PCDHGA2: variants seen among roughly 807,000 people sequenced by gnomAD.
PCDHGA2 encodes protocadherin gamma subfamily A, 2.
Under a neutral mutation model 59.2 loss-of-function variants are expected in PCDHGA2, and 40 were observed. That is an observed-to-expected ratio of 0.68 (90% CI 0.52 to 0.88). The LOEUF (loss-of-function observed/expected upper bound fraction) is 0.88. Among genes scored for constraint, PCDHGA2 ranks in the 40% least tolerant of loss-of-function variants. The probability of loss-of-function intolerance (pLI) is 0.00; values close to 1 mark genes in which losing one functional copy is unlikely to be tolerated. For synonymous variants in PCDHGA2, 560 were observed against 526.0 expected, an observed-to-expected ratio of 1.06 and a Z score of -0.89; for missense variants, 1,226 against 1,204.0, an observed-to-expected ratio of 1.02 and a Z score of -0.27.
At position 141,490,819 on chromosome 5, in the gene PCDHGA2, C is replaced by T; in HGVS notation, c.2425-3988C>T. Reference sequence around the variant, plus strand: ...CCAGCGTACCTTTGACTATGAATTGCTGCAGATGCTGCAGATTGTGGTGGG... The same window carrying T: ...CCAGCGTACCTTTGACTATGAATTGTTGCAGATGCTGCAGATTGTGGTGGG... On this transcript the variant is annotated intron_variant, in intron 1 of 3. Transcript: ENST00000394576. This position sits in a 1 kb window ranked among gnomAD's most constrained non-coding sequence, Gnocchi z 5.4. 2 of 1,613,842 alleles carry T rather than the reference C, an allele frequency of 1.2e-6. No individual in the cohort carries two copies. Among genetic ancestry groups the T allele is most frequent in the Non-Finnish European group, 8.5e-7 (1 of 1,179,804 alleles).
intron 1 of PCDHGA2, chr5:141,414,991 G>T (rs1162432290): frequency 1.9e-6 from 3 of 1,613,766 alleles, no homozygotes; most frequent in Non-Finnish European, 1.7e-6. Flanking sequence ...CGGCCAGAAC[G>T]CCTGGCTGTC....
rs747044319 is a variant in PCDHGA2 at position 141,382,892 on chromosome 5, G to C, written c.2424+41497G>C. The C allele has an allele frequency of 3.7e-5, 57 of 1,534,302 alleles. No individual in the cohort carries two copies. In the East Asian group the frequency reaches 9.8e-4, roughly 26 times the overall value. On this transcript the variant is annotated intron_variant, in intron 1 of 3. Coordinates refer to ENST00000394576, the MANE Select transcript of PCDHGA2 (RefSeq NM_018915.4). ...GATCGGCGCCTAAGCAAGAGAAGCA[G>C]GACGACTATGGCGGCTCAGCCGAGG...
chr5:141,424,962 C>G (rs1018789700), intron 1 of PCDHGA2, among the ~76,000 whole-genome samples: 2 of 152,116 alleles, frequency 1.3e-5, no homozygotes, highest in Admixed American at 6.6e-5. Flanking sequence ...GTATTTGCCC[C>G]AAATTACTTG....
intron 1 of PCDHGA2, chr5:141,403,949 G>T: frequency 1.2e-6 from 2 of 1,613,886 alleles, no homozygotes; most frequent in Non-Finnish European, 1.7e-6. Flanking sequence ...GTGGACAAAA[G>T]TGCTCATTTC....
intron 1 of PCDHGA2, chr5:141,417,508 TATTTTGGCTGTCAACTCGTAG>T: frequency 4.2e-6 from 1 of 237,898 alleles, no homozygotes; most frequent in East Asian, 9.1e-5. Flanking sequence ...AAGATTAAAA[TATTTTGGCTGTCAACTCGTAG>T]TTTAAAAAAA....
intron 1 of PCDHGA2, chr5:141,361,035 A>C: frequency 6.2e-7 from 1 of 1,613,478 alleles, no homozygotes; most frequent in Non-Finnish European, 8.5e-7. Context: ...AAACAGGAGA[A>C]ATCACGACAA....
At chr5:141,483,790 AGTT>A (rs963139644) in intron 1 of PCDHGA2, among the ~76,000 whole-genome samples, 14 of 152,290 alleles carry the variant, frequency 9.2e-5, no homozygotes, top group African/African-American at 3.4e-4. Flanking sequence ...TAAGAACTCC[AGTT>A]GTTGCTGCTT....
chr5:141,429,264 A>T (rs1029363907), intron 1 of PCDHGA2: 1 of 151,938 alleles, frequency 6.6e-6, no homozygotes, highest in Non-Finnish European at 1.5e-5. Flanking sequence ...TGAGGAATAA[A>T]TTTTTTTCCT....
intron 1 of PCDHGA2, among the ~76,000 whole-genome samples, chr5:141,353,089 A>G (rs1464341115): frequency 6.6e-6 from 1 of 151,992 alleles, no homozygotes; most frequent in African/African-American, 2.4e-5. Flanking sequence ...CTACTGCGGG[A>G]GGGGGTACTA....
At position 141,351,851 on chromosome 5, in the gene PCDHGA2, A is replaced by C. The variant is rs543692676; in HGVS notation, c.2424+10456A>C. 681 of 1,612,924 alleles carry C rather than the reference A, an allele frequency of 4.2e-4. 6 individuals are homozygous for C. In the Middle Eastern group the frequency reaches 7.3e-3, roughly 17 times the overall value. On this transcript the variant is annotated intron_variant, in intron 1 of 3. Transcript: ENST00000394576. The stretch of plus-strand genomic sequence containing the variant: ...CGCCTTCGAGCTCACACTGCAGGCC[A>C]GGGACCAGGGCTCCCCCGCGCTCAG...
chr5:141,431,921 G>A lies in PCDHGA2; in HGVS notation c.2425-62886G>A. The A allele has an allele frequency of 1.9e-6, 3 of 1,614,142 alleles. No homozygotes were observed. Among genetic ancestry groups the A allele is most frequent in the South Asian group, 2.2e-5 (2 of 91,084 alleles). On this transcript the variant is annotated intron_variant, in intron 1 of 3. Transcript: ENST00000394576. The surrounding 1 kb of genome is among the most constrained non-coding windows in gnomAD (Gnocchi z 4.8). ...CGGACAGGTGATCTGTTTCATCCAA[G>A]GAAATCTGCCCTTTAAATTAGAAAA...
At chr5:141,344,011 G>C in intron 1 of PCDHGA2, 1 of 1,513,220 alleles carries the variant, frequency 6.6e-7, no homozygotes, top group Non-Finnish European at 8.8e-7. Context: ...CGAATTCAGA[G>C]AAAGCGATTC....
At chr5:141,451,179 T>C (rs1039062167) in intron 1 of PCDHGA2, among the ~76,000 whole-genome samples, 6 of 152,162 alleles carry the variant, frequency 3.9e-5, no homozygotes, top group Non-Finnish European at 8.8e-5. Flanking sequence ...TATTTAGCCA[T>C]TGCTGTGTAA....
rs769439885 is a variant in PCDHGA2 at position 141,346,010 on chromosome 5, G to T, written c.2424+4615G>T. 4 of 1,613,190 alleles carry T rather than the reference G, an allele frequency of 2.5e-6. No individual in the cohort carries two copies. The South Asian group carries it at 3.3e-5, about 13-fold the overall frequency. ...AGCCCCCTCTCTCCGCCACTGTCAC[G>T]CTCACCGTGGCCGTGGCCGACAGGA... On this transcript the variant is annotated intron_variant, in intron 1 of 3. Coordinates refer to ENST00000394576, the MANE Select transcript of PCDHGA2 (RefSeq NM_018915.4).
intron 1 of PCDHGA2, chr5:141,364,359 G>A: frequency 6.4e-7 from 1 of 1,558,664 alleles, no homozygotes; most frequent in Non-Finnish European, 8.7e-7. Flanking sequence ...GGCTGGGGCT[G>A]CGGAGAGCTG....
intron 1 of PCDHGA2, chr5:141,422,658 C>T (rs2096662185): frequency 6.2e-7 from 1 of 1,609,912 alleles, no homozygotes; most frequent in Non-Finnish European, 8.5e-7. Context: ...CAGTGACCGC[C>T]CTCGACCCGG....
intron 1 of PCDHGA2, chr5:141,397,952 C>A: frequency 1.0e-6 from 1 of 959,530 alleles, no homozygotes; most frequent in Non-Finnish European, 1.5e-6. Context: ...CCAGGGCAGC[C>A]CCAGCTCAGA....
chr5:141,366,642 C>T, intron 1 of PCDHGA2: 2 of 1,614,238 alleles, frequency 1.2e-6, no homozygotes, highest in Non-Finnish European at 1.7e-6. Flanking sequence ...CTGATCTTTC[C>T]CCAGCCCAAC....
rs1425295626 is a variant in PCDHGA2 at position 141,477,940 on chromosome 5, C to T, written c.2425-16867C>T. On this transcript the variant is annotated intron_variant, in intron 1 of 3. Coordinates refer to ENST00000394576, the MANE Select transcript of PCDHGA2 (RefSeq NM_018915.4). This position sits in a 1 kb window ranked among gnomAD's most constrained non-coding sequence, Gnocchi z 4.9. ...CAGGGCACAATGCCTGGCTCTCCTA[C>T]AGTCTCTTGGGATCCCCTAACCAGA... The T allele has an allele frequency of 6.2e-7, 1 of 1,614,178 alleles. No homozygotes were observed. Among genetic ancestry groups the T allele is most frequent in the South Asian group, 1.1e-5 (1 of 91,084 alleles).
Sources: allele counts gnomAD v4.1 joint callset (sites outside exome capture counted in the v4.1 genomes callset), GRCh38; gene constraint gnomAD v4.1.1; non-coding constraint Gnocchi (gnomAD v3.1); transcripts MANE v1.5; gene names NCBI Gene and HGNC (gene_info 2026-07-23, HGNC 2026-07-21).